Variants in ST6GALNAC3 observed in about 807,000 individuals in gnomAD.
ST6GALNAC3 encodes the protein alpha-N-acetylgalactosaminide alpha-2,6-sialyltransferase 3.
Under a neutral mutation model 32.7 loss-of-function variants are expected in ST6GALNAC3, and 25 were observed. The observed-to-expected ratio is 0.76, with a 90% CI of 0.56 to 1.07. The LOEUF (loss-of-function observed/expected upper bound fraction) is 1.07. Ranked by LOEUF, ST6GALNAC3 falls within the 50% of genes least tolerant of loss-of-function variation. The probability of loss-of-function intolerance (pLI) is 0.00; values close to 1 mark genes in which losing one functional copy is unlikely to be tolerated. For synonymous variants in ST6GALNAC3, 129 were observed against 133.1 expected (o/e 0.97, Z 0.21); for missense variants, 355 against 382.4 (o/e 0.93, Z 0.60).
chr1:76,234,787 C>A (rs1424810205), intron 1 of ST6GALNAC3, among the ~76,000 whole-genome samples: 1 of 152,190 alleles, frequency 6.6e-6, no homozygotes, highest in Non-Finnish European at 1.5e-5. Context: ...ATCAATTTAT[C>A]AGGAATGAGT....
chr1:76,426,198 A>G (rs1436425451), intron 3 of ST6GALNAC3, among the ~76,000 whole-genome samples: 1 of 151,662 alleles, frequency 6.6e-6, no homozygotes, highest in African/African-American at 2.4e-5. Flanking sequence ...GTTACTTGTT[A>G]TGGCCTGATA....
chr1:76,136,344 G>A (rs1025229155), intron 1 of ST6GALNAC3, among the ~76,000 whole-genome samples: 3 of 152,150 alleles, frequency 2.0e-5, no homozygotes, highest in Non-Finnish European at 2.9e-5. Flanking sequence ...ACAAATAAAT[G>A]CATTTATAGG....
chr1:76,553,181 A>G (rs187445604), intron 3 of ST6GALNAC3, among the ~76,000 whole-genome samples: 3 of 152,238 alleles, frequency 2.0e-5, no homozygotes, highest in Non-Finnish European at 2.9e-5. Context: ...TTGATTTTAC[A>G]TAAGTTGTTT....
chr1:76,083,357 G>A (rs909917003), intron 1 of ST6GALNAC3, among the ~76,000 whole-genome samples: 1 of 152,252 alleles, frequency 6.6e-6, no homozygotes, highest in East Asian at 1.9e-4. Context: ...GGCTGGCCGC[G>A]ACAATGGGCT....
chr1:76,304,552 A>T (rs906679786), intron 1 of ST6GALNAC3, among the ~76,000 whole-genome samples: 1 of 152,072 alleles, frequency 6.6e-6, no homozygotes, highest in African/African-American at 2.4e-5. Flanking sequence ...CAGTAACTGG[A>T]TAGCAAAGGG....
chr1:76,500,208 A>C (rs1029345202), intron 3 of ST6GALNAC3, among the ~76,000 whole-genome samples: 4 of 152,214 alleles, frequency 2.6e-5, no homozygotes, highest in African/African-American at 9.6e-5. Context: ...GCATTTCTTG[A>C]ATCAGTATTA....
chr1:76,350,216 G>A (rs958776322), intron 2 of ST6GALNAC3, among the ~76,000 whole-genome samples: 11 of 151,756 alleles, frequency 7.2e-5, no homozygotes, highest in African/African-American at 1.5e-4. Flanking sequence ...TTAAAGCAAC[G>A]GGGTCTCCCT....
chr1:76,396,273 T>A (rs1283840466), intron 2 of ST6GALNAC3, among the ~76,000 whole-genome samples: 3 of 152,236 alleles, frequency 2.0e-5, no homozygotes, highest in Middle Eastern at 6.8e-3. Context: ...GAGACCAGCC[T>A]GGGCAACATG....
At chr1:76,369,910 C>T (rs1362180141) in intron 2 of ST6GALNAC3, among the ~76,000 whole-genome samples, 3 of 152,158 alleles carry the variant, frequency 2.0e-5, no homozygotes, top group African/African-American at 7.2e-5. Context: ...GGCTATGCTG[C>T]TTTCTCTATT....
intron 1 of ST6GALNAC3, among the ~76,000 whole-genome samples, chr1:76,148,742 T>A (rs1650852826): frequency 6.6e-6 from 1 of 152,166 alleles, no homozygotes; most frequent in Non-Finnish European, 1.5e-5. Flanking sequence ...AGACAGTAAC[T>A]TTTCTCTCTT....
intron 1 of ST6GALNAC3, among the ~76,000 whole-genome samples, chr1:76,261,755 T>C (rs1336878545): frequency 6.6e-6 from 1 of 152,102 alleles, no homozygotes; most frequent in African/African-American, 2.4e-5. Flanking sequence ...GGATGGGAGC[T>C]CTCTGAGGGC....
chr1:76,301,980 G>A lies in ST6GALNAC3; in HGVS notation c.19-11825G>A, dbSNP rs1440060896. ...TGGACTTCTGGTTATGCCTCCTTAA[G>A]GATGTGGGCTGAGGGATAATCATTT... On this transcript the variant is annotated intron_variant, in intron 1 of 4. Transcript: ENST00000328299. Among the ~76,000 whole-genome samples the A allele has an allele frequency of 3.3e-5, 5 of 151,944 alleles. No individual in the cohort carries two copies. The East Asian group carries it at 9.7e-4, about 29-fold the overall frequency.
At chr1:76,463,714 G>A (rs1166506452) in intron 3 of ST6GALNAC3, among the ~76,000 whole-genome samples, 2 of 152,040 alleles carry the variant, frequency 1.3e-5, no homozygotes, top group Admixed American at 1.3e-4. Context: ...CATCTTGCTT[G>A]GGTCTACGGG....
At chr1:76,140,968 T>A (rs1650284929) in intron 1 of ST6GALNAC3, among the ~76,000 whole-genome samples, 1 of 151,952 alleles carries the variant, frequency 6.6e-6, no homozygotes, top group Non-Finnish European at 1.5e-5. Flanking sequence ...GGGACTTGCC[T>A]ATGGTAGGTA....
chr1:76,590,973 G>A (rs1467715795), intron 3 of ST6GALNAC3, among the ~76,000 whole-genome samples: 1 of 151,986 alleles, frequency 6.6e-6, no homozygotes, highest in Non-Finnish European at 1.5e-5. Context: ...CTTATGGTTT[G>A]GAAAAAGAAA....
intron 3 of ST6GALNAC3, among the ~76,000 whole-genome samples, chr1:76,510,654 G>C (rs1661799037): frequency 1.3e-5 from 2 of 152,212 alleles, no homozygotes; most frequent in East Asian, 1.9e-4. Flanking sequence ...GGTTATATTT[G>C]GATAAACCCA....
At chr1:76,330,032 C>T (rs1192034067) in intron 2 of ST6GALNAC3, among the ~76,000 whole-genome samples, 1 of 151,934 alleles carries the variant, frequency 6.6e-6, no homozygotes, top group Non-Finnish European at 1.5e-5. Context: ...TGGTCTCAAA[C>T]TCCTGACCTC....
chr1:76,576,694 A>C (rs1646814165), intron 3 of ST6GALNAC3, among the ~76,000 whole-genome samples: 1 of 152,110 alleles, frequency 6.6e-6, no homozygotes, highest in African/African-American at 2.4e-5. Context: ...ATGACATGTC[A>C]GAAAAAATGC....
At chr1:76,510,888 G>A (rs146094235) in intron 3 of ST6GALNAC3, among the ~76,000 whole-genome samples, 9 of 152,260 alleles carry the variant, frequency 5.9e-5, no homozygotes, top group Admixed American at 2.0e-4. Flanking sequence ...CAGAATGGTC[G>A]TATGAGTGCT....
Sources: gnomAD v4.1 joint callset for allele counts (sites outside exome capture counted in the v4.1 genomes callset) on GRCh38, gnomAD v4.1.1 for gene constraint, MANE v1.5 for transcripts, NCBI Gene and HGNC (gene_info 2026-07-23, HGNC 2026-07-21) for gene names.